MGAT4C: variants seen among roughly 807,000 people sequenced by gnomAD.
MGAT4C encodes the protein alpha-1,3-mannosyl-glycoprotein 4-beta-N-acetylglucosaminyltransferase C.
A neutral mutation model predicts 40.1 loss-of-function variants in MGAT4C; 19 were observed. The ratio of observed to expected loss-of-function variants is 0.47; its 90% CI spans 0.33 to 0.70. The LOEUF (loss-of-function observed/expected upper bound fraction) is 0.70. Among genes scored for constraint, MGAT4C ranks in the 30% least tolerant of loss-of-function variants. MGAT4C has a pLI of 0.02. For missense variants in MGAT4C, 491 were observed against 563.2 expected (o/e 0.87, Z 1.30); for synonymous variants, 181 against 187.1 (o/e 0.97, Z 0.27).
intron 1 of MGAT4C, among the ~76,000 whole-genome samples, chr12:86,104,862 A>ATT (rs11369515): frequency 5.3e-4 from 80 of 151,134 alleles, no homozygotes; most frequent in South Asian, 8.4e-4. Context: ...GGCAAACCTG[A>ATT]TTTTTTTTTA....
At chr12:86,358,902 A>C (rs1210709875) in intron 3 of MGAT4C, among the ~76,000 whole-genome samples, 1 of 152,216 alleles carries the variant, frequency 6.6e-6, no homozygotes, top group Non-Finnish European at 1.5e-5. Flanking sequence ...CCCACTGTCA[A>C]CATTAGACAG....
chr12:86,009,961 C>T (rs1205623683), intron 2 of MGAT4C, among the ~76,000 whole-genome samples: 5 of 152,208 alleles, frequency 3.3e-5, no homozygotes, highest in Middle Eastern at 3.4e-3. Context: ...TTGGGGTTAT[C>T]AATTCTTGGT....
intron 2 of MGAT4C, among the ~76,000 whole-genome samples, chr12:86,045,313 T>C (rs895890636): frequency 1.3e-5 from 2 of 152,258 alleles, no homozygotes; most frequent in African/African-American, 4.8e-5. Context: ...TAATACTATT[T>C]ATATTGGGAA....
intron 1 of MGAT4C, among the ~76,000 whole-genome samples, chr12:86,072,599 T>G (rs1044498227): frequency 1.3e-5 from 2 of 152,058 alleles, no homozygotes; most frequent in Non-Finnish European, 1.5e-5. Flanking sequence ...AAGCAAAGGA[T>G]AGATGAAAGG....
At position 86,600,538 on chromosome 12, in the gene MGAT4C, G is replaced by T. The variant is rs190243678; in HGVS notation, c.-229+126671C>A. Among the ~76,000 whole-genome samples the T allele has an allele frequency of 2.0e-3, 307 of 152,316 alleles. 1 individual carries two copies. Among genetic ancestry groups the T allele is most frequent in the East Asian group, 3.3e-3 (17 of 5,176 alleles). The stretch of plus-strand genomic sequence containing the variant: ...ACAAATCTCGTGAGGTGTGCACTGG[G>T]CTGTGATCTTCAGCAGCCTATCTCT... On this transcript the variant is annotated intron_variant, in intron 2 of 7. Coordinates refer to the MGAT4C transcript ENST00000548651.
At chr12:86,350,981 A>C (rs748200710) in intron 3 of MGAT4C, among the ~76,000 whole-genome samples, 2 of 151,626 alleles carry the variant, frequency 1.3e-5, no homozygotes, top group Admixed American at 6.6e-5. Context: ...ATATATATCT[A>C]TATATATAAA....
At chr12:86,341,017 T>G (rs752428868) in intron 3 of MGAT4C, among the ~76,000 whole-genome samples, 3 of 152,212 alleles carry the variant, frequency 2.0e-5, no homozygotes, top group Non-Finnish European at 4.4e-5. Context: ...TGGCTGACTA[T>G]AAGCAGCTAG....
intron 3 of MGAT4C, among the ~76,000 whole-genome samples, chr12:86,358,620 G>C (rs1469974553): frequency 6.6e-6 from 1 of 152,120 alleles, no homozygotes; most frequent in Non-Finnish European, 1.5e-5. Context: ...TCAAAATAAA[G>C]GGATGGAGGA....
At chr12:86,765,942 G>C (rs1951498632) in intron 1 of MGAT4C, among the ~76,000 whole-genome samples, 1 of 152,026 alleles carries the variant, frequency 6.6e-6, no homozygotes, top group South Asian at 2.1e-4. Context: ...ATCAAGACTA[G>C]GAAGAAACTG....
chr12:86,698,035 C>T (rs1197672445), intron 2 of MGAT4C, among the ~76,000 whole-genome samples: 1 of 152,012 alleles, frequency 6.6e-6, no homozygotes, highest in African/African-American at 2.4e-5. Flanking sequence ...TAGTTCCCAG[C>T]ATGTGGCAAT....
chr12:86,707,620 T>A (rs902191264), intron 2 of MGAT4C, among the ~76,000 whole-genome samples: 1 of 151,128 alleles, frequency 6.6e-6, no homozygotes, highest in Non-Finnish European at 1.5e-5. Context: ...AACCTCCGCC[T>A]CCCAGATTCA....
chr12:86,670,264 A>C (rs936587899), intron 2 of MGAT4C, among the ~76,000 whole-genome samples: 4 of 152,142 alleles, frequency 2.6e-5, no homozygotes, highest in African/African-American at 9.7e-5. Context: ...ATTTCAAGGA[A>C]GCTCAATGAA....
At chr12:86,014,149 A>G (rs1389553096) in intron 2 of MGAT4C, among the ~76,000 whole-genome samples, 1 of 152,020 alleles carries the variant, frequency 6.6e-6, no homozygotes, top group Admixed American at 6.6e-5. Flanking sequence ...CTTTTCCTCA[A>G]TATCTCACCT....
intron 1 of MGAT4C, among the ~76,000 whole-genome samples, chr12:86,767,664 T>C (rs369779363): frequency 1.1e-4 from 16 of 152,084 alleles, no homozygotes; most frequent in African/African-American, 2.7e-4. Flanking sequence ...AAAGCTTATC[T>C]ACCATGATCA....
At chr12:86,617,275 G>A (rs572721037) in intron 2 of MGAT4C, among the ~76,000 whole-genome samples, 2 of 152,156 alleles carry the variant, frequency 1.3e-5, no homozygotes, top group Admixed American at 6.5e-5. Flanking sequence ...ACAATCTAAC[G>A]TTGTCTTCAT....
At chr12:86,269,865 G>A in intron 4 of MGAT4C, among the ~76,000 whole-genome samples, 1 of 152,004 alleles carries the variant, frequency 6.6e-6, no homozygotes, top group East Asian at 1.9e-4. Flanking sequence ...GATTCTTCTT[G>A]TGTATCCATA....
chr12:86,345,855 T>A (rs200113301), intron 3 of MGAT4C, among the ~76,000 whole-genome samples: 2 of 152,196 alleles, frequency 1.3e-5, no homozygotes, highest in East Asian at 1.9e-4. Context: ...GTTGAACTAG[T>A]TTAAAGTCCC....
intron 2 of MGAT4C, among the ~76,000 whole-genome samples, chr12:86,014,247 T>TGA (rs1888828220): frequency 6.6e-6 from 1 of 152,146 alleles, no homozygotes; most frequent in South Asian, 2.1e-4. Flanking sequence ...ATTACATTAC[T>TGA]GATGGTTTTC....
At chr12:86,795,897 T>C (rs1334575616) in intron 1 of MGAT4C, among the ~76,000 whole-genome samples, 2 of 151,948 alleles carry the variant, frequency 1.3e-5, no homozygotes. Context: ...GTAAAGTGTG[T>C]CAGAATTAGG....
Sources: gnomAD v4.1 joint callset for allele counts (sites outside exome capture counted in the v4.1 genomes callset) on GRCh38, gnomAD v4.1.1 for gene constraint, MANE v1.5 for transcripts, NCBI Gene and HGNC (gene_info 2026-07-23, HGNC 2026-07-21) for gene names.